GABBR2: variants seen among roughly 807,000 people sequenced by gnomAD.
GABBR2 encodes the protein G-protein coupled receptor 51.
Under a neutral mutation model 105.6 loss-of-function variants are expected in GABBR2, and 23 were observed. The observed-to-expected ratio is 0.22, with a 90% CI of 0.16 to 0.31. The LOEUF (loss-of-function observed/expected upper bound fraction) is 0.31. GABBR2 is among the 10% of genes least tolerant of loss of function. The pLI is 1.00. For missense variants in GABBR2, 734 were observed against 1,245.5 expected, an observed-to-expected ratio of 0.59 and a Z score of 6.18; for synonymous variants, 478 against 499.7, an observed-to-expected ratio of 0.96 and a Z score of 0.58.
chr9:98,419,686 G>C (rs972020968), intron 7 of GABBR2, among the ~76,000 whole-genome samples: 1 of 152,176 alleles, frequency 6.6e-6, no homozygotes, highest in Non-Finnish European at 1.5e-5. Flanking sequence ...ATACAACCCT[G>C]CTCTGCCTGG....
At chr9:98,510,799 T>A (rs28771798) in intron 3 of GABBR2, among the ~76,000 whole-genome samples, 51,905 of 151,488 alleles carry the variant, frequency 0.34, 9,087 homozygotes, top group Middle Eastern at 0.5. Context: ...CAAAGAGAGT[T>A]AGACTCCCAC....
intron 1 of GABBR2, among the ~76,000 whole-genome samples, chr9:98,648,267 G>T (rs908421258): frequency 2.0e-5 from 3 of 152,052 alleles, no homozygotes; most frequent in African/African-American, 4.8e-5. Context: ...GAGTAGCTGG[G>T]ATTACAGGCA....
intron 2 of GABBR2, among the ~76,000 whole-genome samples, chr9:98,575,075 A>G (rs140961429): frequency 1.3e-3 from 129 of 101,380 alleles, no homozygotes; most frequent in African/African-American, 5.8e-3. Flanking sequence ...ACAAACATTT[A>G]TAAACACCAC....
rs564209601 is a variant in GABBR2, at chr9:98,552,441, T to C, written c.460-10398A>G. On this transcript the variant is annotated intron_variant, in intron 2 of 18. Transcript: ENST00000259455. Reference sequence around the variant, plus strand: ...TCTCAGGAAGCTTCTGACAAAACACTGTTTGTGGCCAGTGCCAGGATGTAT... The same window carrying C: ...TCTCAGGAAGCTTCTGACAAAACACCGTTTGTGGCCAGTGCCAGGATGTAT... Among the ~76,000 whole-genome samples the C allele has an allele frequency of 1.1e-4, 17 of 152,304 alleles. No homozygotes were observed. In the South Asian group the frequency reaches 1.5e-3, roughly 13 times the overall value.
chr9:98,316,160 T>TTC (rs975228828), intron 13 of GABBR2, among the ~76,000 whole-genome samples: 1 of 151,990 alleles, frequency 6.6e-6, no homozygotes, highest in African/African-American at 2.4e-5. Context: ...ACTGGCTTTT[T>TTC]TTTTTTTCGA....
intron 6 of GABBR2, among the ~76,000 whole-genome samples, chr9:98,472,673 G>A (rs1181793850): frequency 6.6e-6 from 1 of 152,194 alleles, no homozygotes; most frequent in Non-Finnish European, 1.5e-5. Context: ...GAGAACTCAG[G>A]TTCAAGGTCA....
chr9:98,342,611 T>C (rs1245981109), intron 13 of GABBR2, among the ~76,000 whole-genome samples: 1 of 152,146 alleles, frequency 6.6e-6, no homozygotes, highest in African/African-American at 2.4e-5. Flanking sequence ...GCCTGGACCA[T>C]GGTCTGCATC....
intron 3 of GABBR2, among the ~76,000 whole-genome samples, chr9:98,514,644 T>G (rs184940690): frequency 0.051 from 5,448 of 106,006 alleles, 194 homozygotes; most frequent in South Asian, 0.12. Flanking sequence ...CACCGGGGAC[T>G]GTTGTAGGGT....
At chr9:98,606,934 C>T in intron 1 of GABBR2, 3 of 693,532 alleles carry the variant, frequency 4.3e-6, no homozygotes, top group Non-Finnish European at 7.9e-6. Flanking sequence ...TAAGAATCAT[C>T]TTCTTCCTGC....
chr9:98,297,288 C>T (rs1244414225), intron 17 of GABBR2, among the ~76,000 whole-genome samples: 1 of 152,152 alleles, frequency 6.6e-6, no homozygotes, highest in Non-Finnish European at 1.5e-5. Flanking sequence ...AATATTGCTA[C>T]TGTAATAAGA....
intron 1 of GABBR2, among the ~76,000 whole-genome samples, chr9:98,597,017 G>T (rs188645183): frequency 5.8e-4 from 88 of 152,160 alleles, no homozygotes; most frequent in African/African-American, 2.0e-3. Context: ...AGCTGATAAG[G>T]CCCACCCCTA....
chr9:98,584,567 A>G (rs1362942507), intron 1 of GABBR2, among the ~76,000 whole-genome samples: 1 of 152,236 alleles, frequency 6.6e-6, no homozygotes. Context: ...AGCCATGAAA[A>G]TCAATTTTCA....
chr9:98,577,476 G>A (rs1308701262), intron 2 of GABBR2, among the ~76,000 whole-genome samples: 3 of 152,240 alleles, frequency 2.0e-5, no homozygotes, highest in African/African-American at 4.8e-5. Flanking sequence ...GAGAATCTCA[G>A]TGGGAAAGGG....
At chr9:98,560,867 C>G (rs185261467) in intron 2 of GABBR2, among the ~76,000 whole-genome samples, 1 of 150,924 alleles carries the variant, frequency 6.6e-6, no homozygotes, top group African/African-American at 2.4e-5. Context: ...TTGAAATTAG[C>G]TTACAAATAT....
intron 13 of GABBR2, among the ~76,000 whole-genome samples, chr9:98,334,896 C>T (rs972349921): frequency 6.6e-6 from 1 of 152,200 alleles, no homozygotes; most frequent in African/African-American, 2.4e-5. Flanking sequence ...ATGAACATCC[C>T]ACCACAGGGC....
intron 11 of GABBR2, among the ~76,000 whole-genome samples, chr9:98,384,034 C>T (rs1001483894): frequency 6.6e-6 from 1 of 152,186 alleles, no homozygotes; most frequent in African/African-American, 2.4e-5. Context: ...GCCCACAGTG[C>T]TCTCAACGTC....
At chr9:98,578,592 GC>G (rs1464622110) in intron 1 of GABBR2, among the ~76,000 whole-genome samples, 1 of 152,162 alleles carries the variant, frequency 6.6e-6, no homozygotes, top group East Asian at 1.9e-4. Flanking sequence ...ATATGATCTA[GC>G]AATTCCACCT....
chr9:98,390,878 A>G (rs1324883027), intron 9 of GABBR2, among the ~76,000 whole-genome samples: 1 of 152,190 alleles, frequency 6.6e-6, no homozygotes, highest in Non-Finnish European at 1.5e-5. Context: ...ACAATAGACA[A>G]GAGAAAGTTG....
At chr9:98,451,121 G>A (rs1393646388) in intron 7 of GABBR2, among the ~76,000 whole-genome samples, 1 of 152,130 alleles carries the variant, frequency 6.6e-6, no homozygotes, top group Non-Finnish European at 1.5e-5. Context: ...GAGGAGAAAG[G>A]ACTTTGGAGG....
Sources: allele counts gnomAD v4.1 joint callset (sites outside exome capture counted in the v4.1 genomes callset), GRCh38; gene constraint gnomAD v4.1.1; transcripts MANE v1.5; gene names NCBI Gene and HGNC (gene_info 2026-07-23, HGNC 2026-07-21).